The following CSMD1 variants were observed in gnomAD, a reference collection of about 807,000 sequenced individuals.
CSMD1 encodes CUB and sushi domain-containing protein 1.
CSMD1 carries 213 observed loss-of-function variants against 417.5 expected under a neutral mutation model. That is an observed-to-expected ratio of 0.51 (90% confidence interval 0.46 to 0.57). The LOEUF (loss-of-function observed/expected upper bound fraction) is 0.57. Ranked by LOEUF, CSMD1 falls within the 20% of genes least tolerant of loss-of-function variation. The pLI is 0.00. For synonymous variants in CSMD1, 2,862 were observed against 1,736.8 expected (o/e 1.65, Z -16.11); for missense variants, 6,923 against 4,529.7 (o/e 1.53, Z -15.17).
chr8:3,466,503 G>C (rs527875771), intron 12 of CSMD1, among the ~76,000 whole-genome samples: 12 of 151,666 alleles, frequency 7.9e-5, no homozygotes, highest in Non-Finnish European at 1.5e-5. Flanking sequence ...TCCACTACCC[G>C]GGTTCAAGCG....
At chr8:3,840,393 A>G (rs1188326262) in intron 5 of CSMD1, among the ~76,000 whole-genome samples, 4 of 152,180 alleles carry the variant, frequency 2.6e-5, no homozygotes, top group African/African-American at 9.6e-5. Flanking sequence ...AATAGTGTGT[A>G]AATAAGCAAA....
Position 3,477,323 on chromosome 8 carries a change from C to T in CSMD1, c.1449-8499G>A, listed in dbSNP as rs1817490091. Among the ~76,000 whole-genome samples, 3 of 152,134 alleles carry T rather than the reference C, an allele frequency of 2.0e-5. No homozygotes were observed. In the South Asian group the frequency reaches 6.2e-4, roughly 31 times the overall value. On this transcript the variant is annotated intron_variant, in intron 11 of 69. Coordinates refer to ENST00000635120, the MANE Select transcript of CSMD1 (RefSeq NM_033225.6). Reference sequence around the variant, plus strand: ...TTTGACAATGGAAACGTAAAGCCTGCCCTTCAGATAAAAACTTGCCTAAAA... The same window carrying T: ...TTTGACAATGGAAACGTAAAGCCTGTCCTTCAGATAAAAACTTGCCTAAAA...
At chr8:4,855,142 C>T (rs962903818) in intron 1 of CSMD1, among the ~76,000 whole-genome samples, 1 of 151,352 alleles carries the variant, frequency 6.6e-6, no homozygotes, top group African/African-American at 2.4e-5. Flanking sequence ...AGGCACCCCC[C>T]AGCAGGGGCA....
At chr8:4,567,563 G>A (rs1269871667) in intron 2 of CSMD1, among the ~76,000 whole-genome samples, 1 of 152,124 alleles carries the variant, frequency 6.6e-6, no homozygotes, top group Non-Finnish European at 1.5e-5. Flanking sequence ...TTAAGTGTCT[G>A]AATTAGTCAC....
At position 3,108,764 on chromosome 8, in the gene CSMD1, A is replaced by T. The variant is rs554819436; in HGVS notation, c.6609-16T>A. ...GGGACCGTCCCTAGGAAAGACAGAA[A>T]GAGGTGGCTGGCTAAGGATATTTAC... On this transcript the variant is annotated splice_polypyrimidine_tract_variant and intron_variant, in intron 43 of 69. Coordinates refer to ENST00000635120, the MANE Select transcript of CSMD1 (RefSeq NM_033225.6). The T allele has an allele frequency of 6.2e-7, 1 of 1,600,950 alleles. No individual in the cohort carries two copies. Among genetic ancestry groups the T allele is most frequent in the Admixed American group, 1.7e-5 (1 of 57,590 alleles).
intron 52 of CSMD1, among the ~76,000 whole-genome samples, chr8:3,017,400 C>G (rs1334426827): frequency 6.6e-6 from 1 of 152,132 alleles, no homozygotes; most frequent in Non-Finnish European, 1.5e-5. Flanking sequence ...GAAATGTCAT[C>G]GTCTACTGAA....
In CSMD1 at chr8:3,805,782, T is replaced by G. The variant is rs556082975; in HGVS notation, c.819-51740A>C. ...AGTCCGTCCCCTACCCCAGTCTTTGTGAGTCATCTCATTCACTCTGTGCAG... is the reference window on the plus strand; with the variant it reads ...AGTCCGTCCCCTACCCCAGTCTTTGGGAGTCATCTCATTCACTCTGTGCAG... On this transcript the variant is annotated intron_variant, in intron 5 of 69. Coordinates refer to ENST00000635120, the MANE Select transcript of CSMD1 (RefSeq NM_033225.6). 2.6e-5 allele frequency among the ~76,000 whole-genome samples: 4 copies of G among 152,300 alleles called. No individual in the cohort carries two copies. The South Asian group carries it at 8.3e-4, about 32-fold the overall frequency.
intron 5 of CSMD1, among the ~76,000 whole-genome samples, chr8:3,956,097 G>C (rs1811925333): frequency 6.6e-6 from 1 of 152,170 alleles, no homozygotes; most frequent in South Asian, 2.1e-4. Flanking sequence ...TGCTCGGCCA[G>C]GTTTCCTTTC....
At chr8:4,662,477 G>C (rs188632402) in intron 1 of CSMD1, among the ~76,000 whole-genome samples, 3 of 152,242 alleles carry the variant, frequency 2.0e-5, no homozygotes, top group East Asian at 3.9e-4. Flanking sequence ...GAAGCACTTT[G>C]TTTCTGCAGA....
chr8:4,565,773 T>TATATATGTATAC (rs1798575056), intron 2 of CSMD1, among the ~76,000 whole-genome samples: 2 of 34,310 alleles, frequency 5.8e-5, no homozygotes, highest in African/African-American at 1.8e-4. Flanking sequence ...TATATATATA[T>TATATATGTATAC]ATATATATAT....
intron 2 of CSMD1, among the ~76,000 whole-genome samples, chr8:4,576,782 T>C (rs1229470037): frequency 6.6e-6 from 1 of 152,070 alleles, no homozygotes; most frequent in Non-Finnish European, 1.5e-5. Flanking sequence ...CAAGTGATAT[T>C]AAGATATTTA....
intron 2 of CSMD1, among the ~76,000 whole-genome samples, chr8:4,423,805 T>C (rs1154044): frequency 0.24 from 35,797 of 151,864 alleles, 4,359 homozygotes; most frequent in South Asian, 0.33. Context: ...TCACCTGATT[T>C]CAAGACTTAT....
rs530551011 is a variant in CSMD1 at position 3,242,345 on chromosome 8, C to G, written c.4154-12114G>C. On this transcript the variant is annotated intron_variant, in intron 26 of 69. Coordinates refer to ENST00000635120, the MANE Select transcript of CSMD1 (RefSeq NM_033225.6). ...GAAAAGGAAGACTAGAAAGACTCAGCGACGCTTGGGGTTGGGACTGAGGGG... is the reference window on the plus strand; with the variant it reads ...GAAAAGGAAGACTAGAAAGACTCAGGGACGCTTGGGGTTGGGACTGAGGGG... Among the ~76,000 whole-genome samples, 438 of 150,472 alleles carry G rather than the reference C, an allele frequency of 2.9e-3. 5 individuals carry two copies. The highest frequency in any genetic ancestry group is 9.9e-3 in the African/African-American group (407 of 40,990).
intron 3 of CSMD1, among the ~76,000 whole-genome samples, chr8:4,173,231 C>A (rs1024669034): frequency 1.3e-5 from 2 of 152,132 alleles, no homozygotes; most frequent in Non-Finnish European, 2.9e-5. Flanking sequence ...CTCTTTAATG[C>A]AAGCTTGTCT....
rs181066534 is a variant in CSMD1 at position 4,813,208 on chromosome 8, A to G, written c.86-175650T>C. The stretch of plus-strand genomic sequence containing the variant: ...AATACTGCATGTTTTGGGCTTAGGA[A>G]TATATTCAAGGAGCAAATGTGCTTA... On this transcript the variant is annotated intron_variant, in intron 1 of 69. Transcript: ENST00000635120. Among the ~76,000 whole-genome samples, 227 of 152,340 alleles carry G rather than the reference A, an allele frequency of 1.5e-3. 1 individual carries two copies. Among genetic ancestry groups the G allele is most frequent in the African/African-American group, 5.4e-3 (223 of 41,584 alleles).
At chr8:2,983,915 AGCTAAAT>A (rs1280848836) in intron 54 of CSMD1, among the ~76,000 whole-genome samples, 2 of 152,244 alleles carry the variant, frequency 1.3e-5, no homozygotes, top group African/African-American at 4.8e-5. Context: ...AAACTTTAAA[AGCTAAAT>A]GCTATGGGCT....
intron 1 of CSMD1, among the ~76,000 whole-genome samples, chr8:4,920,881 GAAAAGAAAAGA>G (rs1806400924): frequency 2.8e-5 from 1 of 35,148 alleles, no homozygotes; most frequent in African/African-American, 6.9e-5. Context: ...GAAAAGAAAA[GAAAAGAAAAGA>G]AAAGAAAAGA....
At chr8:4,984,158 G>T (rs73497788) in intron 1 of CSMD1, among the ~76,000 whole-genome samples, 2,198 of 152,208 alleles carry the variant, frequency 0.014, 49 homozygotes, top group African/African-American at 0.05. Flanking sequence ...GTGTCCTGTT[G>T]GTATTACATC....
At chr8:4,874,258 G>T (rs558917102) in intron 1 of CSMD1, among the ~76,000 whole-genome samples, 1 of 151,842 alleles carries the variant, frequency 6.6e-6, no homozygotes, top group Admixed American at 6.6e-5. Context: ...AAATTACGTG[G>T]GATACTGCCT....
Sources: gnomAD v4.1 joint callset for allele counts (sites outside exome capture counted in the v4.1 genomes callset) on GRCh38, gnomAD v4.1.1 for gene constraint, MANE v1.5 for transcripts, NCBI Gene and HGNC (gene_info 2026-07-23, HGNC 2026-07-21) for gene names.